The following ZNF148 variants were observed in gnomAD, a reference collection of about 807,000 sequenced individuals.
The protein encoded by ZNF148 is zinc finger protein 148, also known as Beta-Enolase Repressor Factor-1.
Under a neutral mutation model 67.7 loss-of-function variants are expected in ZNF148, and 7 were observed. The ratio of observed to expected loss-of-function variants is 0.10; its 90% CI spans 0.06 to 0.19. ZNF148 has a LOEUF of 0.19. Among genes scored for constraint, ZNF148 ranks in the 10% least tolerant of loss-of-function variants. The pLI, the probability that ZNF148 is intolerant of heterozygous loss-of-function variation, is 1.00. For synonymous variants in ZNF148, 333 were observed against 330.7 expected, an observed-to-expected ratio of 1.01 and a Z score of -0.08; for missense variants, 583 against 947.1, an observed-to-expected ratio of 0.62 and a Z score of 5.05.
chr3:125,279,384 A>C, intron 5 of ZNF148, 137 bp from the exon 6 acceptor site: 2 of 739,262 alleles, frequency 2.7e-6, no homozygotes, highest in South Asian at 5.7e-5. Context: ...TGATCTTGAA[A>C]AGACTATTAG....
chr3:125,316,931 G>C (rs1940525096), intron 3 of ZNF148, among the ~76,000 whole-genome samples: 1 of 152,120 alleles, frequency 6.6e-6, no homozygotes, highest in Non-Finnish European at 1.5e-5. Flanking sequence ...GTACTCTGGG[G>C]ACAGATAATA....
chr3:125,297,344 A>G (rs1939339360), intron 4 of ZNF148, among the ~76,000 whole-genome samples: 1 of 152,186 alleles, frequency 6.6e-6, no homozygotes, highest in South Asian at 2.1e-4. Flanking sequence ...AAAGCCTCCA[A>G]AAGTTAAAAA....
At chr3:125,245,874 A>G (rs896428728) in intron 7 of ZNF148, among the ~76,000 whole-genome samples, 3 of 152,166 alleles carry the variant, frequency 2.0e-5, no homozygotes, top group African/African-American at 7.2e-5. Context: ...AAAGCATACT[A>G]TTGGTCTTCT....
chr3:125,341,197 A>C (rs1316147824), intron 1 of ZNF148, among the ~76,000 whole-genome samples: 3 of 151,786 alleles, frequency 2.0e-5, no homozygotes, highest in Non-Finnish European at 4.4e-5. Flanking sequence ...GCCATAATAA[A>C]AATGTTTCCA....
intron 7 of ZNF148, among the ~76,000 whole-genome samples, chr3:125,237,409 T>A (rs1345585908): frequency 6.6e-6 from 1 of 151,972 alleles, no homozygotes; most frequent in Non-Finnish European, 1.5e-5. Context: ...TGGGGAAACC[T>A]GTTTCTACTA....
chr3:125,347,071 T>C (rs1416519466), intron 1 of ZNF148, among the ~76,000 whole-genome samples: 1 of 151,762 alleles, frequency 6.6e-6, no homozygotes, highest in African/African-American at 2.4e-5. Flanking sequence ...AAAAATAAAA[T>C]TAAGAAAATC....
intron 1 of ZNF148, chr3:125,344,846 T>C: frequency 3.2e-6 from 1 of 310,846 alleles, no homozygotes; most frequent in Non-Finnish European, 6.1e-6. Context: ...TGGCAGGCGA[T>C]GGGACACAGG....
At chr3:125,302,445 C>T (rs1939644716) in intron 4 of ZNF148, among the ~76,000 whole-genome samples, 1 of 151,864 alleles carries the variant, frequency 6.6e-6, no homozygotes, top group South Asian at 2.1e-4. Flanking sequence ...TGCCCTTTAC[C>T]TCCCTGCCTT....
At chr3:125,369,245 G>C (rs1462573316) in intron 1 of ZNF148, among the ~76,000 whole-genome samples, 2 of 106,932 alleles carry the variant, frequency 1.9e-5, no homozygotes, top group Non-Finnish European at 3.4e-5. Context: ...CTGAGTGACA[G>C]AGTGAGATCC....
intron 5 of ZNF148, 125 bp downstream of exon 5, chr3:125,287,978 C>A: frequency 7.4e-7 from 1 of 1,343,818 alleles, no homozygotes; most frequent in South Asian, 1.5e-5. Context: ...AGGCACGCAC[C>A]CCCTCCTACT....
chr3:125,311,821 G>T (rs922290366), intron 4 of ZNF148, among the ~76,000 whole-genome samples: 3 of 152,104 alleles, frequency 2.0e-5, no homozygotes, highest in Non-Finnish European at 4.4e-5. Context: ...TATGAACTTT[G>T]TTCCCACAAA....
intron 1 of ZNF148, among the ~76,000 whole-genome samples, chr3:125,346,054 T>C (rs1040161763): frequency 6.6e-6 from 1 of 152,186 alleles, no homozygotes; most frequent in African/African-American, 2.4e-5. Context: ...CCTATAACTC[T>C]TACAAATGTA....
chr3:125,326,185 A>C (rs1215172943), intron 2 of ZNF148, among the ~76,000 whole-genome samples: 1 of 152,224 alleles, frequency 6.6e-6, no homozygotes, highest in Non-Finnish European at 1.5e-5. Context: ...CATCAGACTT[A>C]AATCCACAGA....
At chr3:125,366,218 AT>A (rs1422170761) in intron 1 of ZNF148, among the ~76,000 whole-genome samples, 1 of 152,254 alleles carries the variant, frequency 6.6e-6, no homozygotes, top group African/African-American at 2.4e-5. Context: ...ATGATTATCA[AT>A]TTTATGAGAA....
chr3:125,264,576 T>C (rs898596183), intron 7 of ZNF148, among the ~76,000 whole-genome samples: 13 of 152,192 alleles, frequency 8.5e-5, no homozygotes, highest in African/African-American at 3.1e-4. Context: ...TTGATGTTGA[T>C]ACCATGTAGG....
intron 7 of ZNF148, among the ~76,000 whole-genome samples, chr3:125,262,848 T>C (rs547982552): frequency 3.3e-5 from 5 of 152,346 alleles, no homozygotes; most frequent in Admixed American, 3.3e-4. Context: ...ATTGACACTA[T>C]TGGTTCAATG....
Position 125,313,353 on chromosome 3 carries a change from T to G in ZNF148, c.288A>C (p.Thr96=), listed in dbSNP as rs1940319777. Residue 96 remains threonine (T), a synonymous_variant, in exon 4 of 9, where the codon ACA becomes ACC. Coordinates refer to ENST00000360647, the MANE Select transcript of ZNF148 (RefSeq NM_021964.3). The part of the protein sequence containing the change: ...TVKNDEEQME[T]HERLPQGLQY... ...GTAGTCCTTGAGGAAGTCTTTCATG[T>G]GTTTCCATCTGCTCTTCATCATTTT... 6.2e-7 allele frequency: 1 copy of G among 1,613,968 alleles called. No individual in the cohort carries two copies. Among genetic ancestry groups the G allele is most frequent in the Non-Finnish European group, 8.5e-7 (1 of 1,179,940 alleles).
intron 7 of ZNF148, among the ~76,000 whole-genome samples, chr3:125,276,510 C>A (rs372760858): frequency 6.6e-6 from 1 of 151,816 alleles, no homozygotes; most frequent in Non-Finnish European, 1.5e-5. Context: ...CTCGACTCAC[C>A]GCAACCTCCG....
chr3:125,355,157 T>C lies in ZNF148; in HGVS notation c.-234+19945A>G, dbSNP rs577477153. Reference sequence around the variant, plus strand: ...TTCTAATGTTCTAATATATACTTCATAACCTTTGACCCATGATCATTCTAA... The same window carrying C: ...TTCTAATGTTCTAATATATACTTCACAACCTTTGACCCATGATCATTCTAA... On this transcript the variant is annotated intron_variant, in intron 1 of 8. Coordinates refer to ENST00000360647, the MANE Select transcript of ZNF148 (RefSeq NM_021964.3). Among the ~76,000 whole-genome samples the C allele has an allele frequency of 1.9e-3, 282 of 152,312 alleles. 1 individual carries two copies. The highest frequency in any genetic ancestry group is 2.8e-3 in the Non-Finnish European group (188 of 68,016).
Sources: gnomAD v4.1 joint callset for allele counts (sites outside exome capture counted in the v4.1 genomes callset) on GRCh38, gnomAD v4.1.1 for gene constraint, MANE v1.5 for transcripts, NCBI Gene and HGNC (gene_info 2026-07-23, HGNC 2026-07-21) for gene names.